Variants in CUX1 observed in about 807,000 individuals in gnomAD.
The protein encoded by CUX1 is protein CASP.
A neutral mutation model predicts 158.8 loss-of-function variants in CUX1; 31 were observed. The observed-to-expected ratio is 0.20, with a 90% confidence interval of 0.15 to 0.26. CUX1 has a LOEUF of 0.26. CUX1 is among the 10% of genes least tolerant of loss of function. The pLI, the probability that CUX1 is intolerant of heterozygous loss-of-function variation, is 1.00. For missense variants in CUX1, 1,589 were observed against 2,014.6 expected (o/e 0.79, Z 4.04); for synonymous variants, 879 against 862.1 (o/e 1.02, Z -0.34).
At chr7:102,006,678 C>T (rs995243860) in intron 2 of CUX1, among the ~76,000 whole-genome samples, 9 of 152,190 alleles carry the variant, frequency 5.9e-5, no homozygotes, top group African/African-American at 1.9e-4. Context: ...CCACCGTGCC[C>T]GGCCCTAGAA....
intron 1 of CUX1, among the ~76,000 whole-genome samples, chr7:101,850,960 T>C (rs1796208625): frequency 6.6e-6 from 1 of 151,964 alleles, no homozygotes; most frequent in South Asian, 2.1e-4. Context: ...ATAAAAAAAT[T>C]ATCCAGGTGT....
intron 2 of CUX1, among the ~76,000 whole-genome samples, chr7:101,999,217 C>CTTCT (rs766335440): frequency 5.8e-5 from 5 of 85,834 alleles, no homozygotes; most frequent in Non-Finnish European, 8.2e-5. Flanking sequence ...TTTTTTTTAC[C>CTTCT]TTTTTTTTTT....
intron 4 of CUX1, among the ~76,000 whole-genome samples, chr7:102,093,426 A>G (rs112060120): frequency 0.08 from 12,139 of 152,116 alleles, 671 homozygotes; most frequent in African/African-American, 0.15. Flanking sequence ...GGCTCAAACA[A>G]TGTTCCCTCC....
At chr7:102,144,814 G>A (rs1473538314) in intron 8 of CUX1, among the ~76,000 whole-genome samples, 7 of 151,960 alleles carry the variant, frequency 4.6e-5, no homozygotes, top group African/African-American at 1.7e-4. Flanking sequence ...TAGGCTGGGC[G>A]CAATGGCTCA....
intron 2 of CUX1, among the ~76,000 whole-genome samples, chr7:102,016,515 A>C (rs888433988): frequency 6.6e-6 from 1 of 152,242 alleles, no homozygotes; most frequent in African/African-American, 2.4e-5. Context: ...TCTTCAAAAA[A>C]TAATGGTACT....
intron 2 of CUX1, among the ~76,000 whole-genome samples, chr7:101,964,018 G>A (rs952808631): frequency 1.3e-5 from 2 of 152,104 alleles, no homozygotes; most frequent in African/African-American, 4.8e-5. Flanking sequence ...ACCCTGTGAG[G>A]TCGGGAGATC....
chr7:101,885,806 A>C (rs1800163729), intron 1 of CUX1, among the ~76,000 whole-genome samples: 1 of 152,192 alleles, frequency 6.6e-6, no homozygotes, highest in South Asian at 2.1e-4. Flanking sequence ...GGCTTGAAGG[A>C]ATAACAACAC....
chr7:102,189,766 A>G (rs1554516431), intron 11 of CUX1, 47 bp from the exon 12 acceptor site: 1 of 1,603,994 alleles, frequency 6.2e-7, no homozygotes, highest in Admixed American at 1.7e-5. Flanking sequence ...AAGTCCGTCG[A>G]CCTGTTGTCA....
intron 1 of CUX1, among the ~76,000 whole-genome samples, chr7:101,838,319 G>A (rs1392519955): frequency 2.0e-5 from 3 of 150,662 alleles, no homozygotes; most frequent in Non-Finnish European, 3.0e-5. Flanking sequence ...TAGTAGAGAC[G>A]GGCTTTCACC....
intron 2 of CUX1, among the ~76,000 whole-genome samples, chr7:101,963,356 G>A (rs959742272): frequency 6.6e-6 from 1 of 152,170 alleles, no homozygotes; most frequent in African/African-American, 2.4e-5. Flanking sequence ...CGCGACCACG[G>A]TGGCCCAAAG....
exon 23 of CUX1, chr7:102,283,054 T>C: frequency 6.2e-7 from 1 of 1,612,846 alleles, no homozygotes; most frequent in East Asian, 2.2e-5. Context: ...TCCACGAGAA[T>C]GACAACGGGG....
rs78359248 is a variant in CUX1, at chr7:102,201,025, TAAAAAAAAAAA to T, written c.2063-316_2063-306del. On this transcript the variant is annotated intron_variant, in intron 17 of 23. Transcript: ENST00000292535. The surrounding 1 kb of genome is among the most constrained non-coding windows in gnomAD (Gnocchi z 5.0). Reference sequence around the variant, plus strand: ...CTGGACAACAGCGAGATCCTGTCGCTAAAAAAAAAAAAAAAAAAAAAAAAAAAAATTCTCGG... The same window carrying T: ...CTGGACAACAGCGAGATCCTGTCGCTAAAAAAAAAAAAAAAAAATTCTCGG... 7.8e-4 allele frequency among the ~76,000 whole-genome samples: 33 copies of T among 42,140 alleles called. No individual in the cohort carries two copies. The highest frequency in any genetic ancestry group is 2.6e-3 in the South Asian group (2 of 764). 27.6% of individuals were successfully genotyped at this position (42,140 alleles called of 152,430 possible). A position where few individuals can be genotyped will look rare whatever the true frequency, so the allele number is the denominator to read the frequency against.
At chr7:101,986,196 A>G (rs1313294802) in intron 2 of CUX1, among the ~76,000 whole-genome samples, 1 of 152,216 alleles carries the variant, frequency 6.6e-6, no homozygotes, top group African/African-American at 2.4e-5. Context: ...TAACAACAAG[A>G]GATGGAATTG....
At chr7:101,865,255 T>A (rs1797831023) in intron 1 of CUX1, among the ~76,000 whole-genome samples, 1 of 152,228 alleles carries the variant, frequency 6.6e-6, no homozygotes, top group Non-Finnish European at 1.5e-5. Flanking sequence ...GAGCTACAGA[T>A]GCCCGCCAGC....
chr7:101,950,409 GTTTT>G (rs751715150), intron 2 of CUX1, among the ~76,000 whole-genome samples: 1 of 151,484 alleles, frequency 6.6e-6, no homozygotes, highest in East Asian at 1.9e-4. Flanking sequence ...ATAGTTTGTT[GTTTT>G]TTTAAAAAAA....
intron 2 of CUX1, among the ~76,000 whole-genome samples, chr7:101,947,623 T>C (rs1808556592): frequency 6.6e-6 from 1 of 152,094 alleles, no homozygotes. Context: ...GTCTCTAAAA[T>C]TAAAGAAAAG....
At chr7:102,159,372 T>C (rs1790154844) in intron 9 of CUX1, among the ~76,000 whole-genome samples, 1 of 152,222 alleles carries the variant, frequency 6.6e-6, no homozygotes, top group African/African-American at 2.4e-5. Flanking sequence ...AGAGGCCTTA[T>C]GGCAAGTACC....
At chr7:101,838,588 G>T (rs1794887086) in intron 1 of CUX1, among the ~76,000 whole-genome samples, 1 of 150,724 alleles carries the variant, frequency 6.6e-6, no homozygotes, top group South Asian at 2.1e-4. Flanking sequence ...GATCACCTGA[G>T]ATCAGGAGTT....
intron 1 of CUX1, among the ~76,000 whole-genome samples, chr7:101,856,212 CAA>C (rs1446940699): frequency 3.4e-4 from 40 of 117,494 alleles, no homozygotes; most frequent in African/African-American, 1.3e-3. Context: ...AAAAAGGAAA[CAA>C]GAAAGAAAAA....
Sources: allele counts gnomAD v4.1 joint callset (sites outside exome capture counted in the v4.1 genomes callset), GRCh38; gene constraint gnomAD v4.1.1; non-coding constraint Gnocchi (gnomAD v3.1); transcripts MANE v1.5; gene names NCBI Gene and HGNC (gene_info 2026-07-23, HGNC 2026-07-21).